SLC7A14: variants seen among roughly 807,000 people sequenced by gnomAD.
The protein encoded by SLC7A14 is gamma-aminobutyric acid transporter SLC7A14.
SLC7A14 carries 37 observed loss-of-function variants against 60.2 expected under a neutral mutation model. The observed-to-expected ratio is 0.61, with a 90% CI of 0.47 to 0.81. The LOEUF (loss-of-function observed/expected upper bound fraction) is 0.81, where lower values mean the gene tolerates loss of function less well. Among genes scored for constraint, SLC7A14 ranks in the 30% least tolerant of loss-of-function variants. The pLI is 0.00. For missense variants in SLC7A14, 886 were observed against 982.7 expected (o/e 0.90, Z 1.32); for synonymous variants, 399 against 395.8 (o/e 1.01, Z -0.10).
intron 2 of SLC7A14, among the ~76,000 whole-genome samples, chr3:170,513,491 T>A (rs972754855): frequency 1.3e-5 from 2 of 152,238 alleles, no homozygotes; most frequent in East Asian, 3.8e-4. Context: ...TACAGATATA[T>A]TTGTGCAAAT....
chr3:170,552,699 T>C (rs1327248374), intron 1 of SLC7A14, among the ~76,000 whole-genome samples: 2 of 152,182 alleles, frequency 1.3e-5, no homozygotes, highest in African/African-American at 4.8e-5. Flanking sequence ...ACCACACCCA[T>C]TGAGAGCTTC....
intron 7 of SLC7A14, among the ~76,000 whole-genome samples, chr3:170,471,936 G>A (rs549786930): frequency 3.9e-5 from 6 of 152,206 alleles, no homozygotes; most frequent in Non-Finnish European, 7.3e-5. Flanking sequence ...AAAAATCAGA[G>A]GGTGTCAGCC....
intron 1 of SLC7A14, among the ~76,000 whole-genome samples, chr3:170,555,579 C>T (rs868304818): frequency 2.6e-5 from 4 of 152,174 alleles, no homozygotes; most frequent in Non-Finnish European, 4.4e-5. Flanking sequence ...CACACAAACC[C>T]AGATGGTACA....
chr3:170,459,644 A>G lies in SLC7A14; in HGVS notation c.*7411T>C, dbSNP rs1739554430. On this transcript the variant is annotated 3_prime_UTR_variant, in exon 8 of 8. Transcript: ENST00000231706. Reference sequence around the variant, plus strand: ...TCCACAATAATGCAATTCAAAGTGAACTCATTTATCTGGCTTTTCTACAAA... The same window carrying G: ...TCCACAATAATGCAATTCAAAGTGAGCTCATTTATCTGGCTTTTCTACAAA... The G allele has an allele frequency of 6.6e-6, 1 of 152,182 alleles. No individual in the cohort carries two copies. Among genetic ancestry groups the G allele is most frequent in the Non-Finnish European group, 1.5e-5 (1 of 68,040 alleles). 9.4% of individuals were successfully genotyped at this position (152,182 alleles called of 1,614,324 possible). A position where few individuals can be genotyped will look rare whatever the true frequency, so the allele number is the denominator to read the frequency against.
At chr3:170,566,695 G>A (rs1714798727) in intron 1 of SLC7A14, among the ~76,000 whole-genome samples, 1 of 152,048 alleles carries the variant, frequency 6.6e-6, no homozygotes, top group Admixed American at 6.5e-5. Flanking sequence ...AGGCCCGGAA[G>A]AGATGAGTTT....
At chr3:170,543,704 T>C (rs1310621463) in intron 1 of SLC7A14, among the ~76,000 whole-genome samples, 14 of 151,086 alleles carry the variant, frequency 9.3e-5, no homozygotes, top group Non-Finnish European at 2.1e-4. Context: ...ACCAAGAGGG[T>C]TGGGAAAGGG....
At chr3:170,567,152 TC>T (rs1200471256) in intron 1 of SLC7A14, among the ~76,000 whole-genome samples, 2 of 97,140 alleles carry the variant, frequency 2.1e-5, no homozygotes, top group South Asian at 4.4e-4. Context: ...AAGCTATCCC[TC>T]CCCCCTCCCC....
intron 4 of SLC7A14, chr3:170,496,461 C>G: frequency 7.7e-7 from 1 of 1,300,350 alleles, no homozygotes; most frequent in Middle Eastern, 2.2e-4. Flanking sequence ...GCGTGGGGAG[C>G]TGGCCGTTAA....
At chr3:170,572,667 A>G (rs991370228) in intron 1 of SLC7A14, among the ~76,000 whole-genome samples, 5 of 152,216 alleles carry the variant, frequency 3.3e-5, no homozygotes, top group South Asian at 4.1e-4. Flanking sequence ...CACTAAGAGT[A>G]TTGAAACAGG....
At position 170,460,241 on chromosome 3, in the gene SLC7A14, T is replaced by C. The variant is rs749571791; in HGVS notation, c.*6814A>G. ...GAAAAAGAAACAAGTTAGTAAAATTTACAAGCTGTATTTATAACTTTGGAT... is the reference window on the plus strand; with the variant it reads ...GAAAAAGAAACAAGTTAGTAAAATTCACAAGCTGTATTTATAACTTTGGAT... On this transcript the variant is annotated 3_prime_UTR_variant, in exon 8 of 8. Coordinates refer to ENST00000231706, the MANE Select transcript of SLC7A14 (RefSeq NM_020949.3). 2.0e-5 allele frequency: 3 copies of C among 152,254 alleles called. No homozygotes were observed. Among genetic ancestry groups the C allele is most frequent in the Non-Finnish European group, 4.4e-5 (3 of 68,046 alleles). The allele number at this position is 152,254 out of a possible 1,614,324, so 9.4% of individuals were successfully genotyped here. A position where few individuals can be genotyped will look rare whatever the true frequency, so the allele number is the denominator to read the frequency against.
Position 170,544,706 on chromosome 3 carries a change from T to C in SLC7A14, c.-152-17618A>G, listed in dbSNP as rs547534371. 4.5e-4 allele frequency among the ~76,000 whole-genome samples: 69 copies of C among 152,346 alleles called. 1 individual carries two copies. Among genetic ancestry groups the C allele is most frequent in the Middle Eastern group, 6.8e-3 (2 of 294 alleles). On this transcript the variant is annotated intron_variant, in intron 1 of 7. Coordinates refer to ENST00000231706, the MANE Select transcript of SLC7A14 (RefSeq NM_020949.3). ...CTGCACCATAAAAGTGGAAATGTCA[T>C]TAAGTAGAACCATCTTAAGTTAGGG...
intron 2 of SLC7A14, among the ~76,000 whole-genome samples, chr3:170,504,764 T>A (rs1020981598): frequency 1.3e-5 from 2 of 152,166 alleles, no homozygotes; most frequent in Admixed American, 6.5e-5. Flanking sequence ...GTTTTACAGC[T>A]AAAGTCAACT....
chr3:170,541,265 G>A (rs1262865143), intron 1 of SLC7A14, among the ~76,000 whole-genome samples: 1 of 152,146 alleles, frequency 6.6e-6, no homozygotes, highest in Non-Finnish European at 1.5e-5. Flanking sequence ...GGCACTCAAA[G>A]AATAAAATAT....
Position 170,486,252 on chromosome 3 carries a change from G to A in SLC7A14, c.876C>T (p.Ser292=), listed in dbSNP as rs1712025134. ...CATATGCTGTCAGGCAGATGACCAG[G>A]GAGGCAGTGATAGCATAAGGGATGG... ...NTSIPYAITA[S]LVICLTAYVS... The change falls in exon 5 of 8, where the codon TCC becomes TCT. Residue 292 remains serine, a synonymous_variant. Coordinates refer to ENST00000231706, the MANE Select transcript of SLC7A14 (RefSeq NM_020949.3). The A allele has an allele frequency of 6.2e-7, 1 of 1,614,070 alleles. No homozygotes were observed. The highest frequency in any genetic ancestry group is 1.1e-5 in the South Asian group (1 of 91,080).
chr3:170,546,134 A>G (rs919199700), intron 1 of SLC7A14, among the ~76,000 whole-genome samples: 2 of 152,244 alleles, frequency 1.3e-5, no homozygotes, highest in Admixed American at 6.5e-5. Context: ...CAGGCTGCCC[A>G]TCTAATCACA....
At chr3:170,507,436 G>C (rs1348867119) in intron 2 of SLC7A14, among the ~76,000 whole-genome samples, 1 of 152,182 alleles carries the variant, frequency 6.6e-6, no homozygotes, top group Non-Finnish European at 1.5e-5. Flanking sequence ...GTGGTTCTTA[G>C]GAGCACGGTT....
At chr3:170,550,886 C>A (rs1183078482) in intron 1 of SLC7A14, among the ~76,000 whole-genome samples, 1 of 152,008 alleles carries the variant, frequency 6.6e-6, no homozygotes, top group African/African-American at 2.4e-5. Context: ...TTTTTAAAAG[C>A]GAAGTGTAAT....
rs1715370415 is a variant in SLC7A14 at position 170,585,794 on chromosome 3, T to G, written c.-153+117A>C. 6.6e-6 allele frequency: 1 copy of G among 152,048 alleles called. No homozygotes were observed. The highest frequency in any genetic ancestry group is 1.5e-5 in the Non-Finnish European group (1 of 68,060). 9.4% of individuals were successfully genotyped at this position (152,048 alleles called of 1,614,324 possible). ...CATATTCCTGGTCCCCCGCTCCCGG[T>G]GACTCCGGCTCCCTGGGTCATTCCG... On this transcript the variant is annotated intron_variant, in intron 1 of 7. Coordinates refer to ENST00000231706, the MANE Select transcript of SLC7A14 (RefSeq NM_020949.3). This position sits in a 1 kb window ranked among gnomAD's most constrained non-coding sequence, Gnocchi z 5.1.
At chr3:170,504,098 A>G (rs1712694214) in intron 2 of SLC7A14, among the ~76,000 whole-genome samples, 1 of 152,200 alleles carries the variant, frequency 6.6e-6, no homozygotes, top group Admixed American at 6.5e-5. Flanking sequence ...ATTTGTTTGT[A>G]TGGAGAAATT....
Sources: gnomAD v4.1 joint callset for allele counts (sites outside exome capture counted in the v4.1 genomes callset) on GRCh38, gnomAD v4.1.1 for gene constraint, Gnocchi (gnomAD v3.1) non-coding constraint, MANE v1.5 for transcripts, NCBI Gene and HGNC (gene_info 2026-07-23, HGNC 2026-07-21) for gene names.